The following PWWP3A variants were observed in gnomAD, a reference collection of about 807,000 sequenced individuals.
PWWP3A encodes the protein PWWP domain-containing DNA repair factor 3A.
PWWP3A carries 53 observed loss-of-function variants against 79.0 expected under a neutral mutation model. The observed-to-expected ratio is 0.67, with a 90% CI of 0.54 to 0.84. PWWP3A has a LOEUF of 0.84. Among genes scored for constraint, PWWP3A ranks in the 40% least tolerant of loss-of-function variants. The probability of loss-of-function intolerance (pLI) is 0.00; values close to 1 mark genes in which losing one functional copy is unlikely to be tolerated. For missense variants in PWWP3A, 973 were observed against 948.0 expected, an observed-to-expected ratio of 1.03 and a Z score of -0.35; for synonymous variants, 443 against 394.4, an observed-to-expected ratio of 1.12 and a Z score of -1.46.
Position 1,360,800 on chromosome 19 carries a change from G to A in PWWP3A, c.879G>A (p.Glu293=), listed in dbSNP as rs755079521. 1 of 1,596,898 alleles carries A rather than the reference G, an allele frequency of 6.3e-7. No individual in the cohort carries two copies. The highest frequency in any genetic ancestry group is 2.2e-5 in the East Asian group (1 of 44,498). Reference sequence around the variant, plus strand: ...CCCCTGAGCCCTCGGCCTGCTCAGAGCCTGGAGAATGCCCTGCGAAAAAGA... The same window carrying A: ...CCCCTGAGCCCTCGGCCTGCTCAGAACCTGGAGAATGCCCTGCGAAAAAGA... The part of the protein sequence containing the change: ...PPAPEPSACS[E]PGECPAKKRP... The change falls in exon 5 of 14, where the codon GAG becomes GAA. Residue 293 remains glutamate, a synonymous_variant. Transcript: ENST00000591337. This position sits in a 1 kb window ranked among gnomAD's most constrained non-coding sequence, Gnocchi z 4.4.
chr19:1,359,885 C>G (rs1255378598), intron 4 of PWWP3A: 1 of 349,988 alleles, frequency 2.9e-6, no homozygotes, highest in African/African-American at 2.1e-5. Context: ...TCTTTTTAGC[C>G]AATCAGGTTA....
rs2081805479 is a variant in PWWP3A at position 1,355,001 on chromosome 19, C to T, written c.-204C>T. The T allele has an allele frequency of 6.7e-6, 1 of 149,704 alleles. No homozygotes were observed. The highest frequency in any genetic ancestry group is 1.5e-5 in the Non-Finnish European group (1 of 67,738). The allele number at this position is 149,704 out of a possible 1,614,324, so 9.3% of individuals were successfully genotyped here. A position where few individuals can be genotyped will look rare whatever the true frequency, so the allele number is the denominator to read the frequency against. On this transcript the variant is annotated 5_prime_UTR_variant, in exon 1 of 14. Coordinates refer to ENST00000591337, the MANE Select transcript of PWWP3A (RefSeq NM_001369789.1). ...CCGCGGGGAGCGGCGGCGGCGGCGG[C>T]GGCGGCGGTGGCGGAGGCGGTGAGC... is the stretch of plus-strand genomic sequence containing the variant.
intron 11 of PWWP3A, 21 bp from the exon 12 acceptor site, chr19:1,370,621 C>A (rs1177960307): frequency 6.9e-7 from 1 of 1,445,660 alleles, no homozygotes; most frequent in Non-Finnish European, 9.1e-7. Flanking sequence ...GCTGGTCCCA[C>A]GACAGGTGCT....
intron 8 of PWWP3A, 41 bp downstream of exon 8, chr19:1,366,422 GC>G: frequency 6.4e-7 from 1 of 1,572,892 alleles, no homozygotes; most frequent in Non-Finnish European, 8.8e-7. Context: ...GGCCTGAGGG[GC>G]CAGGCCGGCC....
chr19:1,371,009 G>T lies in PWWP3A; in HGVS notation c.1917G>T (p.Val639=). 1 of 1,572,672 alleles carries T rather than the reference G, an allele frequency of 6.4e-7. No homozygotes were observed. The highest frequency in any genetic ancestry group is 2.3e-5 in the East Asian group (1 of 42,626). The change falls in exon 12 of 14, where the codon GTG becomes GTT. Residue 639 remains valine (V), a synonymous_variant. Coordinates refer to ENST00000591337, the MANE Select transcript of PWWP3A (RefSeq NM_001369789.1). Reference sequence around the variant, plus strand: ...ACCTGCAGGGCGTCTACCAGGAGGTGGGGGCCAAGGTGCTCCAGCGCACCA... The same window carrying T: ...ACCTGCAGGGCGTCTACCAGGAGGTTGGGGCCAAGGTGCTCCAGCGCACCA... The part of the protein sequence containing the change: ...VKYLQGVYQE[V]GAKVLQRTNG...
At chr19:1,371,503 A>G in intron 12 of PWWP3A, 1 of 658,158 alleles carries the variant, frequency 1.5e-6, no homozygotes, top group Admixed American at 2.2e-5. Flanking sequence ...TGCGCCTCAT[A>G]CTCTGATAAA....
At chr19:1,371,200 A>C (rs1411282184) in intron 12 of PWWP3A, 122 bp downstream of exon 12, 1 of 1,092,032 alleles carries the variant, frequency 9.2e-7, no homozygotes, top group Non-Finnish European at 1.4e-6. Flanking sequence ...CGGCCAACGG[A>C]GCGTGGAGGC....
chr19:1,363,944 ATACTT>A (rs1382243431), intron 6 of PWWP3A, among the ~76,000 whole-genome samples: 3 of 152,166 alleles, frequency 2.0e-5, no homozygotes, highest in Non-Finnish European at 4.4e-5. Flanking sequence ...AGTTTTTCTA[ATACTT>A]TAGTTTTAAA....
intron 3 of PWWP3A, 137 bp downstream of exon 3, chr19:1,357,231 T>C: frequency 1.6e-6 from 1 of 635,338 alleles, no homozygotes; most frequent in Admixed American, 3.3e-5. Flanking sequence ...TCATTAATGC[T>C]CATAATAACC....
chr19:1,374,151 C>T (rs905816525), intron 13 of PWWP3A: 1 of 152,196 alleles, frequency 6.6e-6, no homozygotes, highest in African/African-American at 2.4e-5. Flanking sequence ...AGCCTCTTCA[C>T]CGCTCCACGC....
rs1380786786 is a variant in PWWP3A at position 1,364,325 on chromosome 19, C to T, written c.1214-184C>T. ...CTGTCTCATCATTGGTGGTTAGACT[C>T]AAGTAGTGTGGGGTATGTGAATCTG... On this transcript the variant is annotated intron_variant, in intron 6 of 13. Transcript: ENST00000591337. 7.2e-6 allele frequency: 5 copies of T among 691,672 alleles called. No homozygotes were observed. In the East Asian group the frequency reaches 1.0e-4, roughly 14 times the overall value. The allele number at this position is 691,672 out of a possible 1,614,324, so 42.8% of individuals were successfully genotyped here.
chr19:1,360,552 T>C lies in PWWP3A; in HGVS notation c.631T>C (p.Trp211Arg). Residue 211 changes from tryptophan to arginine, a missense_variant, in exon 5 of 14, where the codon TGG becomes CGG. Physicochemically the swap from Trp to Arg is moderately radical, Grantham distance 101 (BLOSUM62 -3). Transcript: ENST00000591337. This position sits in a 1 kb window ranked among gnomAD's most constrained non-coding sequence, Gnocchi z 4.4. ...ESGSRIHHKN[W>R]TLASKRGGNS... ...TGGGTCCAGAATCCACCACAAAAAT[T>C]GGACTCTTGCAAGTAAGAGGGGAGG... The C allele has an allele frequency of 6.2e-7, 1 of 1,614,142 alleles. No individual in the cohort carries two copies. Among genetic ancestry groups the C allele is most frequent in the Non-Finnish European group, 8.5e-7 (1 of 1,180,022 alleles).
intron 3 of PWWP3A, 125 bp from the exon 4 acceptor site, chr19:1,358,269 T>C (rs2081928915): frequency 1.2e-6 from 1 of 859,626 alleles, no homozygotes; most frequent in Non-Finnish European, 1.8e-6. Context: ...GCTGTGACTT[T>C]TGGTTTAAGT....
At chr19:1,359,947 A>G (rs2081971893) in intron 4 of PWWP3A, 189 bp from the exon 5 acceptor site, 3 of 539,440 alleles carry the variant, frequency 5.6e-6, no homozygotes, top group Non-Finnish European at 8.9e-6. Flanking sequence ...CCCGGAATGA[A>G]TAGCTGTCGT....
In PWWP3A at chr19:1,373,102, G is replaced by C; in HGVS notation, c.2017G>C (p.Glu673Gln). 1 of 1,614,258 alleles carries C rather than the reference G, an allele frequency of 6.2e-7. No individual in the cohort carries two copies. Among genetic ancestry groups the C allele is most frequent in the Non-Finnish European group, 8.5e-7 (1 of 1,180,048 alleles). Residue 673 changes from glutamate (E) to glutamine (Q), a missense_variant, in exon 13 of 14, where the codon GAG (glutamate) becomes CAG (glutamine). Glu to Gln is a conservative substitution (Grantham distance 29, BLOSUM62 2). Transcript: ENST00000591337. ...CATCTGTGCGATCTCTGCGGTGGAC[G>C]AGGTGGACTACAAGACGGCTGAGGA... is the stretch of plus-strand genomic sequence containing the variant. ...AIICAISAVD[E>Q]VDYKTAEEKY...
chr19:1,363,884 A>G (rs1290012457), intron 6 of PWWP3A, among the ~76,000 whole-genome samples: 2 of 152,230 alleles, frequency 1.3e-5, no homozygotes. Flanking sequence ...TTCCTTCCAC[A>G]GTGCGGTCAG....
chr19:1,357,045 A>G lies in PWWP3A; in HGVS notation c.94A>G (p.Arg32Gly), dbSNP rs773108437. The G allele has an allele frequency of 8.1e-6, 13 of 1,613,530 alleles. No homozygotes were observed. In the South Asian group the frequency reaches 8.8e-5, roughly 11 times the overall value. The change falls in exon 3 of 14, where the codon AGA (arginine) becomes GGA (glycine). Residue 32 changes from arginine (R) to glycine (G), a missense_variant. Physicochemically the swap from Arg to Gly is moderately radical, Grantham distance 125 (BLOSUM62 -2). Coordinates refer to ENST00000591337, the MANE Select transcript of PWWP3A (RefSeq NM_001369789.1). ...ARTATSTKNK[R>G]RKEYFLAVQI... ...AACCGCGACTTCAACAAAAAATAAG[A>G]GAAGAAAGGAATATTTTCTAGCTGT...
At chr19:1,370,549 C>T in intron 11 of PWWP3A, 93 bp from the exon 12 acceptor site, 1 of 1,199,318 alleles carries the variant, frequency 8.3e-7, no homozygotes, top group Non-Finnish European at 1.1e-6. Flanking sequence ...GCCCCCATCC[C>T]TGCCATGTCG....
At chr19:1,355,157 C>T (rs1307095075) in intron 1 of PWWP3A, 22 bp downstream of exon 1, 4 of 152,426 alleles carry the variant, frequency 2.6e-5, no homozygotes, top group Non-Finnish European at 4.4e-5. Flanking sequence ...GGATGCGTCC[C>T]CTCGGTTCCG....
Sources: gnomAD v4.1 joint callset for allele counts (sites outside exome capture counted in the v4.1 genomes callset) on GRCh38, gnomAD v4.1.1 for gene constraint, Gnocchi (gnomAD v3.1) non-coding constraint, MANE v1.5 for transcripts, NCBI Gene and HGNC (gene_info 2026-07-23, HGNC 2026-07-21) for gene names.